PLXNA4: variants seen among roughly 807,000 people sequenced by gnomAD.
PLXNA4 encodes plexin-A4.
In PLXNA4, 44 loss-of-function variants were observed where a neutral mutation model predicts 191.8. The ratio of observed to expected loss-of-function variants is 0.23; its 90% CI spans 0.18 to 0.29. The LOEUF is 0.29. Among genes scored for constraint, PLXNA4 ranks in the 10% least tolerant of loss-of-function variants. PLXNA4 has a pLI of 1.00. For synonymous variants in PLXNA4, 1,082 were observed against 1,009.5 expected, an observed-to-expected ratio of 1.07 and a Z score of -1.36; for missense variants, 1,800 against 2,488.8, an observed-to-expected ratio of 0.72 and a Z score of 5.89.
At chr7:132,332,660 G>T (rs1802636288) in intron 3 of PLXNA4, among the ~76,000 whole-genome samples, 1 of 151,778 alleles carries the variant, frequency 6.6e-6, no homozygotes, top group African/African-American at 2.4e-5. Flanking sequence ...ACCAGCCTGG[G>T]CAACATAGTG....
chr7:132,388,797 C>G (rs1288566516), intron 3 of PLXNA4, among the ~76,000 whole-genome samples: 2 of 152,186 alleles, frequency 1.3e-5, no homozygotes, highest in African/African-American at 4.8e-5. Flanking sequence ...AAGCCTGGGG[C>G]TCATGCCAGC....
Position 132,228,331 on chromosome 7 carries a change from C to G in PLXNA4, c.1728+15G>C. 6.2e-7 allele frequency: 1 copy of G among 1,613,910 alleles called. No homozygotes were observed. The highest frequency in any genetic ancestry group is 1.1e-5 in the South Asian group (1 of 91,052). ...TTGCATCCCTGGACCCCACCCCAAC[C>G]CCCACGACCCTTACCAGCACGTTGT... On this transcript the variant is annotated intron_variant, in intron 6 of 31. Transcript: ENST00000321063.
At chr7:132,413,196 C>T (rs1794529808) in intron 3 of PLXNA4, among the ~76,000 whole-genome samples, 1 of 152,178 alleles carries the variant, frequency 6.6e-6, no homozygotes, top group Non-Finnish European at 1.5e-5. Flanking sequence ...CCCAATCGTA[C>T]TGGAACAGAG....
intron 4 of PLXNA4, among the ~76,000 whole-genome samples, chr7:132,254,176 T>C (rs1298856262): frequency 6.6e-6 from 1 of 152,200 alleles, no homozygotes; most frequent in Non-Finnish European, 1.5e-5. Flanking sequence ...TATTCTCATC[T>C]TGGTTACTTC....
intron 3 of PLXNA4, among the ~76,000 whole-genome samples, chr7:132,396,927 T>C (rs140541714): frequency 0.012 from 1,844 of 152,326 alleles, 42 homozygotes; most frequent in African/African-American, 0.042. Context: ...GTGTGGGAAA[T>C]AGAGCCTCCA....
At chr7:132,613,349 C>T (rs1483055230) in intron 2 of PLXNA4, among the ~76,000 whole-genome samples, 1 of 152,138 alleles carries the variant, frequency 6.6e-6, no homozygotes, top group Non-Finnish European at 1.5e-5. Flanking sequence ...CTGAATAAAG[C>T]CACCCTCCCC....
chr7:132,512,415 G>A (rs1468263313), intron 1 of PLXNA4, among the ~76,000 whole-genome samples: 2 of 152,188 alleles, frequency 1.3e-5, no homozygotes, highest in Non-Finnish European at 2.9e-5. Flanking sequence ...GCACTGAAAG[G>A]AGACACAGTT....
At chr7:132,276,978 A>G (rs1395224349) in intron 4 of PLXNA4, among the ~76,000 whole-genome samples, 1 of 152,192 alleles carries the variant, frequency 6.6e-6, no homozygotes, top group Non-Finnish European at 1.5e-5. Flanking sequence ...AGCCATATAA[A>G]TACTCCTGTC....
intron 3 of PLXNA4, among the ~76,000 whole-genome samples, chr7:132,336,465 T>C (rs1310409102): frequency 6.6e-6 from 1 of 152,192 alleles, no homozygotes; most frequent in Non-Finnish European, 1.5e-5. Flanking sequence ...TCTTCCTACT[T>C]GGTACTTAGC....
intron 25 of PLXNA4, among the ~76,000 whole-genome samples, chr7:132,152,368 C>T: frequency 6.6e-6 from 1 of 152,188 alleles, no homozygotes; most frequent in East Asian, 1.9e-4. Context: ...GCACCCTGGT[C>T]CCCTCACGGT....
chr7:132,498,065 G>A (rs1471433679), intron 2 of PLXNA4, among the ~76,000 whole-genome samples: 1 of 152,116 alleles, frequency 6.6e-6, no homozygotes, highest in Non-Finnish European at 1.5e-5. Context: ...ACTTTCCATG[G>A]TTTCAGTTAC....
At chr7:132,503,513 G>C (rs569196147) in intron 2 of PLXNA4, among the ~76,000 whole-genome samples, 24 of 152,216 alleles carry the variant, frequency 1.6e-4, no homozygotes, top group African/African-American at 5.8e-4. Flanking sequence ...GTCCCCCCCA[G>C]AGAAGGACAG....
intron 9 of PLXNA4, among the ~76,000 whole-genome samples, chr7:132,214,496 G>T (rs543213056): frequency 1.0e-3 from 158 of 152,110 alleles, no homozygotes; most frequent in African/African-American, 3.4e-3. Flanking sequence ...AATGTAAAAC[G>T]GCAATTTCTC....
At chr7:132,147,856 C>T (rs745896836) in intron 27 of PLXNA4, 44 bp downstream of exon 27, 16 of 1,612,764 alleles carry the variant, frequency 9.9e-6, no homozygotes, top group Non-Finnish European at 1.4e-5. Flanking sequence ...ACAACAGCTG[C>T]TCAGGACACC....
intron 5 of PLXNA4, among the ~76,000 whole-genome samples, chr7:132,237,165 C>A (rs996711019): frequency 6.6e-6 from 1 of 152,180 alleles, no homozygotes; most frequent in African/African-American, 2.4e-5. Flanking sequence ...TAAAATTGTA[C>A]CTTTATTAAA....
rs375730601 is a variant in PLXNA4 at position 132,187,729 on chromosome 7, T to C, written c.2857-122A>G. The stretch of plus-strand genomic sequence containing the variant: ...TCTGGAATCTTTGGTAACAGTGGTC[T>C]CCCAGAGAACCAGGGCAGTTCTCTT... On this transcript the variant is annotated intron_variant, in intron 14 of 31. Transcript: ENST00000321063. 2.1e-3 allele frequency: 3,095 copies of C among 1,454,654 alleles called. 93 individuals are homozygous for C. In the South Asian group the frequency reaches 0.038, roughly 18 times the overall value. The allele number at this position is 1,454,654 out of a possible 1,614,324, so 90.1% of individuals were successfully genotyped here.
At chr7:132,156,204 C>G (rs1284121925) in intron 25 of PLXNA4, among the ~76,000 whole-genome samples, 1 of 145,386 alleles carries the variant, frequency 6.9e-6, no homozygotes, top group Non-Finnish European at 1.5e-5. Context: ...GCACACAACC[C>G]TTGTTTCTAT....
chr7:132,615,362 C>T (rs996611212), intron 2 of PLXNA4, among the ~76,000 whole-genome samples: 1 of 152,174 alleles, frequency 6.6e-6, no homozygotes, highest in African/African-American at 2.4e-5. Context: ...GTCCTGTCTG[C>T]CTGGACTGCC....
chr7:132,322,133 G>A (rs986226246), intron 3 of PLXNA4, among the ~76,000 whole-genome samples: 29 of 150,938 alleles, frequency 1.9e-4, no homozygotes, highest in Non-Finnish European at 2.9e-4. Context: ...ACTTTCCATT[G>A]GGTCTGGAAA....
Sources: gnomAD v4.1 joint callset for allele counts (sites outside exome capture counted in the v4.1 genomes callset) on GRCh38, gnomAD v4.1.1 for gene constraint, MANE v1.5 for transcripts, NCBI Gene and HGNC (gene_info 2026-07-23, HGNC 2026-07-21) for gene names.